ABL2: variants seen among roughly 807,000 people sequenced by gnomAD.
ABL2 encodes the protein ABL proto-oncogene 2, non-receptor tyrosine kinase.
ABL2 carries 49 observed loss-of-function variants against 107.7 expected under a neutral mutation model. The ratio of observed to expected loss-of-function variants is 0.45; its 90% CI spans 0.36 to 0.58. The LOEUF (loss-of-function observed/expected upper bound fraction) is 0.58. Ranked by LOEUF, ABL2 falls within the 20% of genes least tolerant of loss-of-function variation. The pLI, the probability that ABL2 is intolerant of heterozygous loss-of-function variation, is 0.00. For synonymous variants in ABL2, 549 were observed against 548.6 expected, an observed-to-expected ratio of 1.00 and a Z score of -0.01; for missense variants, 1,245 against 1,457.0, an observed-to-expected ratio of 0.85 and a Z score of 2.37.
intron 9 of ABL2, 54 bp from the exon 10 acceptor site, chr1:179,112,452 G>C: frequency 1.1e-5 from 16 of 1,402,340 alleles, no homozygotes; most frequent in South Asian, 4.7e-5. Flanking sequence ...TCAATATCCA[G>C]TGGTGTATCT....
intron 1 of ABL2, among the ~76,000 whole-genome samples, chr1:179,153,328 T>A (rs1055724240): frequency 1.3e-5 from 2 of 152,134 alleles, no homozygotes; most frequent in Non-Finnish European, 2.9e-5. Flanking sequence ...GCAGCTGCTA[T>A]AACCATATAC....
chr1:179,152,652 A>C (rs1658430499), intron 1 of ABL2, among the ~76,000 whole-genome samples: 1 of 152,240 alleles, frequency 6.6e-6, no homozygotes, highest in Non-Finnish European at 1.5e-5. Flanking sequence ...AAGAATTCAG[A>C]CTTATCACAG....
chr1:179,209,144 A>G (rs1662134998), intron 1 of ABL2, among the ~76,000 whole-genome samples: 1 of 152,222 alleles, frequency 6.6e-6, no homozygotes, highest in Admixed American at 6.5e-5. Flanking sequence ...CCTCTGAAGC[A>G]GACCATAGAA....
chr1:179,187,016 G>A (rs1660715061), intron 1 of ABL2, among the ~76,000 whole-genome samples: 1 of 152,168 alleles, frequency 6.6e-6, no homozygotes, highest in Non-Finnish European at 1.5e-5. Flanking sequence ...ACTGTTGTGA[G>A]CCACCACGCC....
In ABL2 at chr1:179,121,713, C is replaced by T; in HGVS notation, c.842G>A (p.Trp281Ter). Residue 281 changes from tryptophan (W) to a stop codon, truncating the protein, a stop_gained, in exon 5 of 12, where the codon TGG (tryptophan) becomes TAG (stop). Transcript: ENST00000502732. LOFTEE classifies it high-confidence loss of function. ...GGTAATATCTGTTCGCTCCATTTCC[C>T]ATTTGTCGTGGATGGGGGACACACC... ...VYGVSPIHDK[W>*]EMERTDITMK... The T allele has an allele frequency of 6.2e-7, 1 of 1,614,026 alleles. No homozygotes were observed. The highest frequency in any genetic ancestry group is 8.5e-7 in the Non-Finnish European group (1 of 1,179,998).
At position 179,108,000 on chromosome 1, in the gene ABL2, C is replaced by T. The variant is rs1653608339; in HGVS notation, c.3267G>A (p.Leu1089=). 6.2e-7 allele frequency: 1 copy of T among 1,614,142 alleles called. No individual in the cohort carries two copies. Among genetic ancestry groups the T allele is most frequent in the African/African-American group, 1.3e-5 (1 of 74,952 alleles). ...TGGACAGTAGGTCAGCACATTCCAGCAGGGCCTCTTTGCTGATTTTGTCTG... is the reference window on the plus strand; with the variant it reads ...TGGACAGTAGGTCAGCACATTCCAGTAGGGCCTCTTTGCTGATTTTGTCTG... ...ISADKISKEA[L]LECADLLSSA... is the part of the protein sequence containing the mutation. The change falls in exon 12 of 12, where the codon CTG becomes CTA. Residue 1089 remains leucine, a synonymous_variant. Transcript: ENST00000502732.
At chr1:179,207,581 A>G (rs1662048064) in intron 1 of ABL2, among the ~76,000 whole-genome samples, 1 of 152,226 alleles carries the variant, frequency 6.6e-6, no homozygotes, top group Non-Finnish European at 1.5e-5. Flanking sequence ...TTAATCATGC[A>G]CTAGCTGAGA....
intron 1 of ABL2, among the ~76,000 whole-genome samples, chr1:179,142,292 C>A (rs1283275656): frequency 6.6e-6 from 1 of 152,154 alleles, no homozygotes; most frequent in African/African-American, 2.4e-5. Context: ...CATTTTTTTT[C>A]TATTGCTACA....
In ABL2 at chr1:179,221,128, T is replaced by C. The variant is rs1205578277; in HGVS notation, c.157+8113A>G. 1.6e-5 allele frequency: 4 copies of C among 243,302 alleles called. No homozygotes were observed. The East Asian group carries it at 3.5e-4, about 21-fold the overall frequency. 15.1% of individuals were successfully genotyped at this position (243,302 alleles called of 1,614,324 possible). A position where few individuals can be genotyped will look rare whatever the true frequency, so the allele number is the denominator to read the frequency against. The stretch of plus-strand genomic sequence containing the variant: ...GTGAAAGCCAGACAGGCCATTAGAG[T>C]TACTTGGGGTGAAAAAAGTCTTGAT... On this transcript the variant is annotated intron_variant, in intron 1 of 11. Coordinates refer to ENST00000502732, the MANE Select transcript of ABL2 (RefSeq NM_007314.4).
In ABL2 at chr1:179,099,606, T is replaced by C. The variant is rs886926585; in HGVS notation, c.*8112A>G. ...AGTTAAATCCCACATTGTCTCACTA[T>C]GTCCCCTTAGCAATGCACACAGTGC... On this transcript the variant is annotated 3_prime_UTR_variant, in exon 12 of 12. Transcript: ENST00000502732. The C allele has an allele frequency of 1.7e-5, 4 of 230,710 alleles. No homozygotes were observed. The highest frequency in any genetic ancestry group is 5.7e-5 in the Admixed American group (1 of 17,690). 14.3% of individuals were successfully genotyped at this position (230,710 alleles called of 1,614,324 possible).
intron 7 of ABL2, among the ~76,000 whole-genome samples, chr1:179,118,111 T>C (rs1314774079): frequency 4.0e-5 from 6 of 149,676 alleles, no homozygotes; most frequent in Admixed American, 4.0e-4. Flanking sequence ...TAAGATCGCA[T>C]CACTGCATTC....
chr1:179,174,466 C>T (rs568331459), intron 1 of ABL2, among the ~76,000 whole-genome samples: 6 of 150,550 alleles, frequency 4.0e-5, no homozygotes, highest in East Asian at 3.9e-4. Flanking sequence ...AAAAATTAGC[C>T]GGGCGTGGTG....
At chr1:179,129,681 C>CAA (rs1355294639) in intron 3 of ABL2, among the ~76,000 whole-genome samples, 9 of 67,946 alleles carry the variant, frequency 1.3e-4, no homozygotes, top group Non-Finnish European at 1.2e-4. Context: ...GACTCTGTCT[C>CAA]AAAAAAAAAA....
intron 1 of ABL2, among the ~76,000 whole-genome samples, chr1:179,160,197 A>G (rs530189062): frequency 1.2e-3 from 186 of 152,204 alleles, no homozygotes; most frequent in African/African-American, 4.4e-3. Context: ...TATTCATATA[A>G]CTATTAATAC....
At chr1:179,210,234 G>A (rs986166510) in intron 1 of ABL2, among the ~76,000 whole-genome samples, 9 of 152,144 alleles carry the variant, frequency 5.9e-5, no homozygotes, top group African/African-American at 1.7e-4. Context: ...GGCCAGGTGC[G>A]GTGGCTCATG....
Position 179,114,945 on chromosome 1 carries a change from T to G in ABL2, c.1494A>C (p.Leu498=), listed in dbSNP as rs2274230. Residue 498 remains leucine (L), a synonymous_variant, in exon 9 of 12, where the codon CTA becomes CTC. Coordinates refer to ENST00000502732, the MANE Select transcript of ABL2 (RefSeq NM_007314.4). ...GCTGTTCCATTCGATATCCTTTTTC[T>G]AGTAGGTCATAGACCTGAGACAGGT... is the stretch of plus-strand genomic sequence containing the variant. ...GIDLSQVYDL[L]EKGYRMEQPE... 128,761 of 1,611,968 alleles carry G rather than the reference T, an allele frequency of 0.08. 6,037 individuals carry two copies. The highest frequency in any genetic ancestry group is 0.09 in the Non-Finnish European group (105,990 of 1,178,978).
chr1:179,209,034 T>C (rs563269578), intron 1 of ABL2, among the ~76,000 whole-genome samples: 1 of 152,354 alleles, frequency 6.6e-6, no homozygotes, highest in East Asian at 1.9e-4. Flanking sequence ...TTCTGTGCTC[T>C]AAGACTGGGT....
In ABL2 at chr1:179,105,740, G is replaced by A. The variant is rs1653428178; in HGVS notation, c.*1978C>T. ...AATCAAGGTTTCCTTTCTTTCCAATGAAAACTCAATTTTGTTCTTGGTCAA... is the reference window on the plus strand; with the variant it reads ...AATCAAGGTTTCCTTTCTTTCCAATAAAAACTCAATTTTGTTCTTGGTCAA... On this transcript the variant is annotated 3_prime_UTR_variant, in exon 12 of 12. Transcript: ENST00000502732. 8.8e-6 allele frequency: 2 copies of A among 226,012 alleles called. No homozygotes were observed. Among genetic ancestry groups the A allele is most frequent in the African/African-American group, 4.4e-5 (2 of 44,972 alleles). The allele number at this position is 226,012 out of a possible 1,614,324, so 14.0% of individuals were successfully genotyped here.
At chr1:179,221,738 G>A (rs1339529019) in intron 1 of ABL2, 3 of 234,740 alleles carry the variant, frequency 1.3e-5, no homozygotes, top group African/African-American at 7.0e-5. Flanking sequence ...ACCACTCAGA[G>A]AAGTTTTTCA....
Sources: gnomAD v4.1 joint callset for allele counts (sites outside exome capture counted in the v4.1 genomes callset) on GRCh38, gnomAD v4.1.1 for gene constraint, MANE v1.5 for transcripts, NCBI Gene and HGNC (gene_info 2026-07-23, HGNC 2026-07-21) for gene names.